DLG2: variants seen among roughly 807,000 people sequenced by gnomAD.
DLG2 encodes disks large homolog 2.
A neutral mutation model predicts 132.5 loss-of-function variants in DLG2; 45 were observed. The ratio of observed to expected loss-of-function variants is 0.34; its 90% CI spans 0.27 to 0.44. The LOEUF (loss-of-function observed/expected upper bound fraction) is 0.44, where lower values mean the gene tolerates loss of function less well. Among genes scored for constraint, DLG2 ranks in the 20% least tolerant of loss-of-function variants. The probability of loss-of-function intolerance (pLI) is 1.00; values close to 1 mark genes in which losing one functional copy is unlikely to be tolerated. For missense variants in DLG2, 1,045 were observed against 1,196.9 expected (o/e 0.87, Z 1.87); for synonymous variants, 424 against 419.6 (o/e 1.01, Z -0.13).
intron 3 of DLG2, among the ~76,000 whole-genome samples, chr11:85,414,627 T>G (rs527288978): frequency 1.3e-5 from 2 of 152,148 alleles, no homozygotes; most frequent in African/African-American, 4.8e-5. Context: ...TTCCAGCGTA[T>G]AGTTTTAATA....
chr11:83,906,308 CA>C lies in DLG2; in HGVS notation c.1496+24019del, dbSNP rs1565586481. Among the ~76,000 whole-genome samples the C allele has an allele frequency of 1.8e-3, 255 of 139,036 alleles. 7 individuals carry two copies. The highest frequency in any genetic ancestry group is 7.8e-3 in the East Asian group (37 of 4,732). 91.2% of individuals were successfully genotyped at this position (139,036 alleles called of 152,430 possible). A position where few individuals can be genotyped will look rare whatever the true frequency, so the allele number is the denominator to read the frequency against. On this transcript the variant is annotated intron_variant, in intron 15 of 27. Coordinates refer to ENST00000376104, the MANE Select transcript of DLG2 (RefSeq NM_001142699.3). ...ACACACACACACACACACACACACA[CA>C]CACACACACACCTCGGCCTCCCAAA... is the stretch of plus-strand genomic sequence containing the variant.
chr11:84,748,538 C>A (rs934183539), intron 6 of DLG2, among the ~76,000 whole-genome samples: 1 of 152,112 alleles, frequency 6.6e-6, no homozygotes, highest in African/African-American at 2.4e-5. Context: ...CTACTTTGTG[C>A]TATCAGGGAA....
intron 3 of DLG2, among the ~76,000 whole-genome samples, chr11:85,332,227 C>T (rs1428803775): frequency 2.0e-5 from 3 of 152,142 alleles, no homozygotes; most frequent in African/African-American, 4.8e-5. Context: ...TGATAATAAA[C>T]ATTTGTTCAT....
At chr11:83,480,444 T>C in intron 22 of DLG2, 1 of 1,531,710 alleles carries the variant, frequency 6.5e-7, no homozygotes, top group Non-Finnish European at 8.8e-7. Context: ...ATTAAAGAGA[T>C]ACCAAGCATT....
At chr11:83,601,510 CT>C (rs71066054) in intron 19 of DLG2, among the ~76,000 whole-genome samples, 4 of 94,534 alleles carry the variant, frequency 4.2e-5, no homozygotes, top group African/African-American at 8.2e-5. Context: ...ATGTGATGTT[CT>C]TTTTTTTTTT....
At chr11:83,932,701 A>C (rs796742463) in intron 14 of DLG2, among the ~76,000 whole-genome samples, 180 of 47,288 alleles carry the variant, frequency 3.8e-3, no homozygotes, top group African/African-American at 6.2e-3. Flanking sequence ...GAATGAATAG[A>C]TAATTTTTTT....
chr11:85,407,125 G>C (rs2088826050), intron 3 of DLG2, among the ~76,000 whole-genome samples: 1 of 151,846 alleles, frequency 6.6e-6, no homozygotes, highest in Admixed American at 6.6e-5. Flanking sequence ...AAAATCATAA[G>C]AATGAAGTCG....
At chr11:84,446,222 A>G (rs1483137360) in intron 7 of DLG2, among the ~76,000 whole-genome samples, 1 of 151,906 alleles carries the variant, frequency 6.6e-6, no homozygotes, top group Non-Finnish European at 1.5e-5. Flanking sequence ...TTTTATTTTT[A>G]GACATTCTAT....
chr11:84,409,363 A>G (rs1601620918), intron 7 of DLG2, among the ~76,000 whole-genome samples: 2 of 152,316 alleles, frequency 1.3e-5, no homozygotes, highest in Middle Eastern at 6.8e-3. Flanking sequence ...CAAGAGTGGA[A>G]TCCTAAACTT....
At position 84,162,563 on chromosome 11, in the gene DLG2, A is replaced by T. The variant is rs1350148225; in HGVS notation, c.624+898T>A. Among the ~76,000 whole-genome samples the T allele has an allele frequency of 2.6e-5, 4 of 152,128 alleles. No individual in the cohort carries two copies. The East Asian group carries it at 7.7e-4, about 29-fold the overall frequency. Reference sequence around the variant, plus strand: ...TTTTCAATCTTCACTATTATAAACCATATCAATACACACATTCATCGTGTA... The same window carrying T: ...TTTTCAATCTTCACTATTATAAACCTTATCAATACACACATTCATCGTGTA... On this transcript the variant is annotated intron_variant, in intron 9 of 27. Transcript: ENST00000376104.
intron 3 of DLG2, among the ~76,000 whole-genome samples, chr11:85,421,166 A>G (rs928804698): frequency 6.6e-6 from 1 of 152,082 alleles, no homozygotes; most frequent in African/African-American, 2.4e-5. Context: ...TCGGAGCCGG[A>G]GTGTACCATT....
intron 21 of DLG2, among the ~76,000 whole-genome samples, chr11:83,493,341 TTCCTTCCTTCCTTCCTTCCTTCC>T (rs2093969579): frequency 1.5e-3 from 9 of 6,100 alleles, no homozygotes; most frequent in South Asian, 3.0e-3. Context: ...CTTTCTTTCC[TTCCTTCCTTCCTTCCTTCCTTCC>T]TTCCTTCCTT....
chr11:83,844,378 C>G (rs12362562), intron 16 of DLG2, among the ~76,000 whole-genome samples: 4 of 68,256 alleles, frequency 5.9e-5, no homozygotes, highest in African/African-American at 4.4e-4. Flanking sequence ...AACTCCATCT[C>G]TATTGAAAAA....
At chr11:84,890,963 A>G (rs1033991267) in intron 6 of DLG2, 5 of 152,168 alleles carry the variant, frequency 3.3e-5, no homozygotes, top group Admixed American at 2.0e-4. Flanking sequence ...CAACAAGATC[A>G]TGCTTTGCTC....
intron 18 of DLG2, among the ~76,000 whole-genome samples, chr11:83,697,989 C>A (rs1363398503): frequency 6.6e-6 from 1 of 152,158 alleles, no homozygotes; most frequent in East Asian, 1.9e-4. Context: ...CACATAGGAG[C>A]TTTTGATTAC....
rs557307045 is a variant in DLG2, at chr11:85,012,512, A to T, written c.357+99149T>A. Among the ~76,000 whole-genome samples the T allele has an allele frequency of 3.3e-5, 5 of 152,154 alleles. 1 individual carries two copies. The East Asian group carries it at 9.7e-4, about 29-fold the overall frequency. Reference sequence around the variant, plus strand: ...GCACTACAGCCTAGGCAATAAGAGCAAAACTCTGTCTCAAGAAAAAAAAAA... The same window carrying T: ...GCACTACAGCCTAGGCAATAAGAGCTAAACTCTGTCTCAAGAAAAAAAAAA... On this transcript the variant is annotated intron_variant, in intron 6 of 27. Coordinates refer to ENST00000376104, the MANE Select transcript of DLG2 (RefSeq NM_001142699.3).
intron 10 of DLG2, among the ~76,000 whole-genome samples, chr11:84,060,934 C>A (rs1302037902): frequency 2.0e-5 from 3 of 152,172 alleles, no homozygotes; most frequent in Non-Finnish European, 4.4e-5. Context: ...GAACCACCTC[C>A]ACAAACGCCG....
chr11:84,923,054 G>C, intron 6 of DLG2: 1 of 1,613,980 alleles, frequency 6.2e-7, no homozygotes, highest in Non-Finnish European at 8.5e-7. Context: ...ATTGTGCCCA[G>C]TTGCCGGCTC....
chr11:83,618,257 T>A (rs1170846737), intron 19 of DLG2, among the ~76,000 whole-genome samples: 1 of 152,190 alleles, frequency 6.6e-6, no homozygotes, highest in Non-Finnish European at 1.5e-5. Context: ...TCATCTAATA[T>A]ATAAAATATA....
Sources: allele counts gnomAD v4.1 joint callset (sites outside exome capture counted in the v4.1 genomes callset), GRCh38; gene constraint gnomAD v4.1.1; transcripts MANE v1.5; gene names NCBI Gene and HGNC (gene_info 2026-07-23, HGNC 2026-07-21).